The following MARCKSL1 variants were observed in gnomAD, a reference collection of about 807,000 sequenced individuals.
MARCKSL1 encodes the protein MARCKS like 1.
Under a neutral mutation model 13.3 loss-of-function variants are expected in MARCKSL1, and 5 were observed. That is an observed-to-expected ratio of 0.38 (90% CI 0.20 to 0.79). The LOEUF is 0.79. Ranked by LOEUF, MARCKSL1 falls within the 30% of genes least tolerant of loss-of-function variation. The pLI is 0.45. For synonymous variants in MARCKSL1, 126 were observed against 103.2 expected (o/e 1.22, Z -1.34); for missense variants, 274 against 251.6 (o/e 1.09, Z -0.60).
chr1:32,334,865 C>G lies in MARCKSL1; in HGVS notation c.320G>C (p.Arg107Thr). The change falls in exon 2 of 2, where the codon AGA (arginine) becomes ACA (threonine). Residue 107 changes from arginine (R) to threonine (T), a missense_variant. Coordinates refer to ENST00000329421, the MANE Select transcript of MARCKSL1 (RefSeq NM_023009.7). ...ATCACCCCCACCCTCCTTCCGATTT[C>G]TCTTGAAGGACAGGCCGCTCAATTT... ...PFKLSGLSFK[R>T]NRKEGGGDSS... is the part of the protein sequence containing the mutation. The G allele has an allele frequency of 1.2e-6, 2 of 1,612,628 alleles. No individual in the cohort carries two copies. Among genetic ancestry groups the G allele is most frequent in the Non-Finnish European group, 1.7e-6 (2 of 1,179,988 alleles).
chr1:32,334,375 A>C lies in MARCKSL1; in HGVS notation c.*222T>G. ...TTCACATCACTAACCTAACTTGGGA[A>C]GCTGTAAGGGACCATCTTCAACTGG... On this transcript the variant is annotated 3_prime_UTR_variant, in exon 2 of 2. Coordinates refer to ENST00000329421, the MANE Select transcript of MARCKSL1 (RefSeq NM_023009.7). 2.3e-6 allele frequency: 1 copy of C among 440,144 alleles called. No individual in the cohort carries two copies. Among genetic ancestry groups the C allele is most frequent in the Non-Finnish European group, 3.9e-6 (1 of 255,274 alleles). 27.3% of individuals were successfully genotyped at this position (440,144 alleles called of 1,614,324 possible).
chr1:32,336,024 G>T lies in MARCKSL1; in HGVS notation c.10C>A (p.Gln4Lys). 7.7e-7 allele frequency: 1 copy of T among 1,293,354 alleles called. No homozygotes were observed. The allele number at this position is 1,293,354 out of a possible 1,614,324, so 80.1% of individuals were successfully genotyped here. A position where few individuals can be genotyped will look rare whatever the true frequency, so the allele number is the denominator to read the frequency against. ...TCGCCCCGGGGAGCCTTGGAGCTCT[G>T]GCTGCCCATGATGGGGGTCTGCTGG... is the stretch of plus-strand genomic sequence containing the variant. Reference protein sequence around the residue: MGSQSSKAPRGDVT... With the variant: MGSKSSKAPRGDVT... The change falls in exon 1 of 2, where the codon CAG (glutamine) becomes AAG (lysine). Residue 4 changes from glutamine to lysine, a missense_variant. Transcript: ENST00000329421.
At position 32,335,989 on chromosome 1, in the gene MARCKSL1, G is replaced by A; in HGVS notation, c.45C>T (p.Ala15=). The change falls in exon 1 of 2, where the codon GCC becomes GCT. Residue 15 remains alanine, a synonymous_variant. Transcript: ENST00000329421. This position sits in a 1 kb window ranked among gnomAD's most constrained non-coding sequence, Gnocchi z 4.1. ...CGGGGGAAGCGCCTGCTGCCTCCTC[G>A]GCGGTCACGTCGCCCCGGGGAGCCT... ...SSKAPRGDVT[A]EEAAGASPAK... 2 of 1,294,674 alleles carry A rather than the reference G, an allele frequency of 1.5e-6. No homozygotes were observed. The highest frequency in any genetic ancestry group is 2.0e-6 in the Non-Finnish European group (2 of 1,019,180). 80.2% of individuals were successfully genotyped at this position (1,294,674 alleles called of 1,614,324 possible).
chr1:32,335,217 CA>C lies in MARCKSL1; in HGVS notation c.88-121del. On this transcript the variant is annotated intron_variant, in intron 1 of 1. Coordinates refer to ENST00000329421, the MANE Select transcript of MARCKSL1 (RefSeq NM_023009.7). This position sits in a 1 kb window ranked among gnomAD's most constrained non-coding sequence, Gnocchi z 4.1. ...CTACTGCAACCCGAAAGTCTGGCTT[CA>C]GCCTCACCCACACCCAGGATCCCGT... is the stretch of plus-strand genomic sequence containing the variant. The C allele has an allele frequency of 1.8e-6, 2 of 1,098,214 alleles. No individual in the cohort carries two copies. Among genetic ancestry groups the C allele is most frequent in the Non-Finnish European group, 2.4e-6 (2 of 831,654 alleles). 68.0% of individuals were successfully genotyped at this position (1,098,214 alleles called of 1,614,324 possible).
Position 32,334,631 on chromosome 1 carries a change from C to T in MARCKSL1, c.554G>A (p.Gly185Asp). The T allele has an allele frequency of 6.3e-7, 1 of 1,590,476 alleles. No individual in the cohort carries two copies. The highest frequency in any genetic ancestry group is 8.6e-7 in the Non-Finnish European group (1 of 1,168,650). The change falls in exon 2 of 2, where the codon GGC becomes GAC. Residue 185 changes from glycine to aspartate, a missense_variant. By Grantham distance (94) the Gly-to-Asp change is moderately conservative (BLOSUM62 -1). Coordinates refer to ENST00000329421, the MANE Select transcript of MARCKSL1 (RefSeq NM_023009.7). Reference sequence around the variant, plus strand: ...CTGCTCAGCGCTGGCTGGTGTAGGGCCACTCTCCGGCCCCGAGGGAGTGGA... The same window carrying T: ...CTGCTCAGCGCTGGCTGGTGTAGGGTCACTCTCCGGCCCCGAGGGAGTGGA... ...EPSTPSGPES[G>D]PTPASAEQNE
At position 32,334,938 on chromosome 1, in the gene MARCKSL1, TG is replaced by T; in HGVS notation, c.246del (p.Lys83ArgfsTer18). 1.2e-6 allele frequency: 2 copies of T among 1,612,260 alleles called. No homozygotes were observed. On this transcript the variant is annotated frameshift_variant, in exon 2 of 2. Coordinates refer to ENST00000329421, the MANE Select transcript of MARCKSL1 (RefSeq NM_023009.7). LOFTEE classifies it high-confidence loss of function. ...TTCTTCTTCTTCTTGGGGGTCTCCT[TG>T]GGGGGGACCTCCCCCTTGGCCTCAG... Reference protein sequence around the residue: ...QGAEAKGEVPPKETPKKKKKF... With the variant: ...QGAEAKGEVPXKETPKKKKKF...
At position 32,335,844 on chromosome 1, in the gene MARCKSL1, T is replaced by C; in HGVS notation, c.87+103A>G. 1 of 499,078 alleles carries C rather than the reference T, an allele frequency of 2.0e-6. No homozygotes were observed. Among genetic ancestry groups the C allele is most frequent in the Middle Eastern group, 6.6e-4 (1 of 1,508 alleles). 30.9% of individuals were successfully genotyped at this position (499,078 alleles called of 1,614,324 possible). On this transcript the variant is annotated intron_variant, in intron 1 of 1. Transcript: ENST00000329421. The surrounding 1 kb of genome is among the most constrained non-coding windows in gnomAD (Gnocchi z 4.1). ...CGGGCGGGGGAGGGGGCGCCGCGTG[T>C]CCCGGGCCGGACAAAGCGCGCGGCC...
rs1207858906 is a variant in MARCKSL1 at position 32,335,583 on chromosome 1, G to T, written c.87+364C>A. ...AAAAAAAAGACCGTGGGCCACCGAG[G>T]TCGGGTCGGCGGGTGGAGTGCGCTC... On this transcript the variant is annotated intron_variant, in intron 1 of 1. Transcript: ENST00000329421. The surrounding 1 kb of genome is among the most constrained non-coding windows in gnomAD (Gnocchi z 4.1). Among the ~76,000 whole-genome samples the T allele has an allele frequency of 6.6e-6, 1 of 151,590 alleles. No homozygotes were observed. Among genetic ancestry groups the T allele is most frequent in the Non-Finnish European group, 1.5e-5 (1 of 67,728 alleles).
chr1:32,334,534 A>G lies in MARCKSL1; in HGVS notation c.*63T>C. On this transcript the variant is annotated 3_prime_UTR_variant, in exon 2 of 2. Coordinates refer to ENST00000329421, the MANE Select transcript of MARCKSL1 (RefSeq NM_023009.7). ...GGCAGCCAGGGCACCAGGTCCAGGC[A>G]GTGACCTCACAAGGACAGCACAGTT... 6.8e-7 allele frequency: 1 copy of G among 1,478,240 alleles called. No homozygotes were observed. The highest frequency in any genetic ancestry group is 9.0e-7 in the Non-Finnish European group (1 of 1,113,032). The allele number at this position is 1,478,240 out of a possible 1,614,324, so 91.6% of individuals were successfully genotyped here.
rs1383909330 is a variant in MARCKSL1, at chr1:32,335,259, C to A, written c.88-162G>T. On this transcript the variant is annotated intron_variant, in intron 1 of 1. Transcript: ENST00000329421. The surrounding 1 kb of genome is among the most constrained non-coding windows in gnomAD (Gnocchi z 4.1). ...AGGATCCCGTCAAACACCTCCCTCT[C>A]GCCCCTCACGGGCGCGCGGGGAGCG... is the stretch of plus-strand genomic sequence containing the variant. Among the ~76,000 whole-genome samples, 1 of 152,198 alleles carries A rather than the reference C, an allele frequency of 6.6e-6. No homozygotes were observed. Among genetic ancestry groups the A allele is most frequent in the Non-Finnish European group, 1.5e-5 (1 of 68,030 alleles).
rs1641350298 is a variant in MARCKSL1, at chr1:32,334,544, C to A, written c.*53G>T. On this transcript the variant is annotated 3_prime_UTR_variant, in exon 2 of 2. Transcript: ENST00000329421. Reference sequence around the variant, plus strand: ...GCACCAGGTCCAGGCAGTGACCTCACAAGGACAGCACAGTTTTTGCAGCTT... The same window carrying A: ...GCACCAGGTCCAGGCAGTGACCTCAAAAGGACAGCACAGTTTTTGCAGCTT... 1.3e-5 allele frequency: 20 copies of A among 1,499,476 alleles called. No homozygotes were observed. In the South Asian group the frequency reaches 2.3e-4, roughly 18 times the overall value. 92.9% of individuals were successfully genotyped at this position (1,499,476 alleles called of 1,614,324 possible).
chr1:32,336,065 G>C lies in MARCKSL1; in HGVS notation c.-32C>G. On this transcript the variant is annotated 5_prime_UTR_variant, in exon 1 of 2. Transcript: ENST00000329421. The stretch of plus-strand genomic sequence containing the variant: ...GGTCTGCTGGGGGGCGCTTGGAGCC[G>C]CCCCGGGCTCGCGCCGCAGGGGATA... 8.5e-7 allele frequency: 1 copy of C among 1,177,570 alleles called. No homozygotes were observed. The allele number at this position is 1,177,570 out of a possible 1,614,324, so 72.9% of individuals were successfully genotyped here. A position where few individuals can be genotyped will look rare whatever the true frequency, so the allele number is the denominator to read the frequency against.
In MARCKSL1 at chr1:32,334,809, G is replaced by T; in HGVS notation, c.376C>A (p.Gln126Lys). 1 of 1,611,940 alleles carries T rather than the reference G, an allele frequency of 6.2e-7. No homozygotes were observed. Reference protein sequence around the residue: ...SSASSPTEEEQEQGEIGACSD... With the variant: ...SSASSPTEEEKEQGEIGACSD... ...CAGGCACCGATCTCCCCCTGCTCCT[G>T]CTCTTCCTCTGTGGGTGAGGAGGCA... The change falls in exon 2 of 2, where the codon CAG becomes AAG. Residue 126 changes from glutamine (Q) to lysine (K), a missense_variant. Physicochemically the swap from Gln to Lys is moderately conservative, Grantham distance 53. Transcript: ENST00000329421.
Position 32,335,789 on chromosome 1 carries a change from C to T in MARCKSL1, c.87+158G>A, listed in dbSNP as rs1341437926. On this transcript the variant is annotated intron_variant, in intron 1 of 1. Transcript: ENST00000329421. The surrounding 1 kb of genome is among the most constrained non-coding windows in gnomAD (Gnocchi z 4.1). ...CCCGCCCCTCCCCTCGCTTCGCCCGCGGGGGCTGCGGCGCCGAGAACAAAG... is the reference window on the plus strand; with the variant it reads ...CCCGCCCCTCCCCTCGCTTCGCCCGTGGGGGCTGCGGCGCCGAGAACAAAG... Among the ~76,000 whole-genome samples, 1 of 150,458 alleles carries T rather than the reference C, an allele frequency of 6.6e-6. No individual in the cohort carries two copies. The highest frequency in any genetic ancestry group is 1.5e-5 in the Non-Finnish European group (1 of 67,404).
chr1:32,334,735 C>T lies in MARCKSL1; in HGVS notation c.450G>A (p.Glu150=), dbSNP rs1350748136. Residue 150 remains glutamate, a synonymous_variant, in exon 2 of 2, where the codon GAG becomes GAA. Coordinates refer to ENST00000329421, the MANE Select transcript of MARCKSL1 (RefSeq NM_023009.7). Reference sequence around the variant, plus strand: ...CCCCCTTGGCCTGGGGTTCCTGGCTCTCAGGGGTGGCTGCGGCCTTCCCTT... The same window carrying T: ...CCCCCTTGGCCTGGGGTTCCTGGCTTTCAGGGGTGGCTGCGGCCTTCCCTT... The part of the protein sequence containing the change: ...AQEGKAAATP[E]SQEPQAKGAE... 6.2e-7 allele frequency: 1 copy of T among 1,612,300 alleles called. No individual in the cohort carries two copies.
chr1:32,335,816 G>C lies in MARCKSL1; in HGVS notation c.87+131C>G, dbSNP rs953626532. On this transcript the variant is annotated intron_variant, in intron 1 of 1. Coordinates refer to ENST00000329421, the MANE Select transcript of MARCKSL1 (RefSeq NM_023009.7). This position sits in a 1 kb window ranked among gnomAD's most constrained non-coding sequence, Gnocchi z 4.1. Reference sequence around the variant, plus strand: ...GGGGCTGCGGCGCCGAGAACAAAGGGACCGGGCGGGGGAGGGGGCGCCGCG... The same window carrying C: ...GGGGCTGCGGCGCCGAGAACAAAGGCACCGGGCGGGGGAGGGGGCGCCGCG... 2 of 397,654 alleles carry C rather than the reference G, an allele frequency of 5.0e-6. No individual in the cohort carries two copies. The highest frequency in any genetic ancestry group is 4.2e-6 in the Non-Finnish European group (1 of 239,998). The allele number at this position is 397,654 out of a possible 1,614,324, so 24.6% of individuals were successfully genotyped here. A position where few individuals can be genotyped will look rare whatever the true frequency, so the allele number is the denominator to read the frequency against.
Position 32,334,818 on chromosome 1 carries a change from C to G in MARCKSL1, c.367G>C (p.Glu123Gln). ...GGDSSASSPT[E>Q]EEQEQGEIGA... ...ATCTCCCCCTGCTCCTGCTCTTCCT[C>G]TGTGGGTGAGGAGGCAGAAGAATCA... The change falls in exon 2 of 2, where the codon GAG becomes CAG. Residue 123 changes from glutamate (E) to glutamine (Q), a missense_variant. Glu to Gln is a conservative substitution (Grantham distance 29). Coordinates refer to ENST00000329421, the MANE Select transcript of MARCKSL1 (RefSeq NM_023009.7). 1 of 1,612,306 alleles carries G rather than the reference C, an allele frequency of 6.2e-7. No individual in the cohort carries two copies. The highest frequency in any genetic ancestry group is 1.1e-5 in the South Asian group (1 of 91,062).
Position 32,334,464 on chromosome 1 carries a change from G to A in MARCKSL1, c.*133C>T, listed in dbSNP as rs1162464489. 13 of 1,091,412 alleles carry A rather than the reference G, an allele frequency of 1.2e-5. No individual in the cohort carries two copies. In the African/African-American group the frequency reaches 1.3e-4, roughly 11 times the overall value. The allele number at this position is 1,091,412 out of a possible 1,614,324, so 67.6% of individuals were successfully genotyped here. The stretch of plus-strand genomic sequence containing the variant: ...CAGGAGGGAGAGGAGGAAAGGGAAC[G>A]TGGCTGGGAGGAGGCAATAGCCCCT... On this transcript the variant is annotated 3_prime_UTR_variant, in exon 2 of 2. Coordinates refer to ENST00000329421, the MANE Select transcript of MARCKSL1 (RefSeq NM_023009.7).
Position 32,333,892 on chromosome 1 carries a change from G to A in MARCKSL1, c.*705C>T, listed in dbSNP as rs1317314025. On this transcript the variant is annotated 3_prime_UTR_variant, in exon 2 of 2. Coordinates refer to ENST00000329421, the MANE Select transcript of MARCKSL1 (RefSeq NM_023009.7). ...AATGTTACAGTAAAACCAGGTGGAA[G>A]AGAATGGTTTTAGCAGTTAGAAAAA... The A allele has an allele frequency of 1.3e-5, 2 of 152,268 alleles. No individual in the cohort carries two copies. Among genetic ancestry groups the A allele is most frequent in the East Asian group, 3.9e-4 (2 of 5,178 alleles). The allele number at this position is 152,268 out of a possible 1,614,324, so 9.4% of individuals were successfully genotyped here. A position where few individuals can be genotyped will look rare whatever the true frequency, so the allele number is the denominator to read the frequency against.
Sources: allele counts gnomAD v4.1 joint callset (sites outside exome capture counted in the v4.1 genomes callset), GRCh38; gene constraint gnomAD v4.1.1; non-coding constraint Gnocchi (gnomAD v3.1); transcripts MANE v1.5; gene names NCBI Gene and HGNC (gene_info 2026-07-23, HGNC 2026-07-21).